The following DPP10 variants were observed in gnomAD, a reference collection of about 807,000 sequenced individuals.
DPP10 encodes inactive dipeptidyl peptidase 10.
DPP10 carries 33 observed loss-of-function variants against 120.9 expected under a neutral mutation model. That is an observed-to-expected ratio of 0.27 (90% confidence interval 0.21 to 0.37). DPP10 has a LOEUF of 0.37. Among genes scored for constraint, DPP10 ranks in the 10% least tolerant of loss-of-function variants. DPP10 has a pLI of 1.00. For synonymous variants in DPP10, 337 were observed against 326.1 expected (o/e 1.03, Z -0.36); for missense variants, 816 against 942.8 (o/e 0.87, Z 1.76).
chr2:115,586,444 A>G (rs2082295419), intron 5 of DPP10, among the ~76,000 whole-genome samples: 1 of 152,234 alleles, frequency 6.6e-6, no homozygotes, highest in Non-Finnish European at 1.5e-5. Context: ...TTGGCTACAT[A>G]CTTTGGAAAA....
rs71394163 is a variant in DPP10 at position 115,721,598 on chromosome 2, T to TAA, written c.577-6209_577-6208dup. ...TTCACACCTGTCAAGACAGCTATTA[T>TAA]AAAAAAAAAAGTGTTGGTAAAAATG... On this transcript the variant is annotated intron_variant, in intron 7 of 25. Transcript: ENST00000410059. Among the ~76,000 whole-genome samples the TAA allele has an allele frequency of 1.2e-4, 18 of 148,134 alleles. No homozygotes were observed. In the South Asian group the frequency reaches 3.0e-3, roughly 25 times the overall value.
chr2:114,905,632 C>A (rs1334136236), intron 1 of DPP10, among the ~76,000 whole-genome samples: 4 of 152,174 alleles, frequency 2.6e-5, no homozygotes, highest in Non-Finnish European at 5.9e-5. Context: ...CCTTCTCCCA[C>A]CCTGCACCCT....
At chr2:115,382,721 G>A (rs1315711849) in intron 3 of DPP10, among the ~76,000 whole-genome samples, 1 of 152,216 alleles carries the variant, frequency 6.6e-6, no homozygotes, top group Non-Finnish European at 1.5e-5. Context: ...TATAAAAAAA[G>A]AGCTGGAATA....
At chr2:115,021,225 A>G (rs186117816) in intron 1 of DPP10, among the ~76,000 whole-genome samples, 1 of 152,232 alleles carries the variant, frequency 6.6e-6, no homozygotes, top group East Asian at 1.9e-4. Flanking sequence ...TAAATGAAAC[A>G]AAATCTCGTT....
chr2:115,558,605 C>T (rs942865579), intron 5 of DPP10, among the ~76,000 whole-genome samples: 21 of 151,892 alleles, frequency 1.4e-4, no homozygotes, highest in African/African-American at 4.8e-4. Context: ...CCTTCCTAAG[C>T]GATGTAGAAC....
At chr2:115,694,843 T>G (rs2149512784) in intron 7 of DPP10, among the ~76,000 whole-genome samples, 1 of 152,360 alleles carries the variant, frequency 6.6e-6, no homozygotes, top group African/African-American at 2.4e-5. Context: ...GGCAGGCAGC[T>G]GTGCTTATGT....
At chr2:114,797,424 G>A (rs1448166803) in intron 1 of DPP10, among the ~76,000 whole-genome samples, 2 of 152,140 alleles carry the variant, frequency 1.3e-5, no homozygotes, top group Non-Finnish European at 2.9e-5. Context: ...CTGAACTACT[G>A]TAAGCCTCAA....
At chr2:115,759,042 CA>C (rs1679777601) in intron 11 of DPP10, among the ~76,000 whole-genome samples, 1 of 151,932 alleles carries the variant, frequency 6.6e-6, no homozygotes, top group South Asian at 2.1e-4. Context: ...AATTATGAAA[CA>C]ATAAATTGGA....
intron 1 of DPP10, among the ~76,000 whole-genome samples, chr2:115,126,989 T>TA (rs1461361539): frequency 6.6e-6 from 1 of 152,152 alleles, no homozygotes; most frequent in Non-Finnish European, 1.5e-5. Flanking sequence ...TTGTTTAGAA[T>TA]AAAAGATTCA....
intron 5 of DPP10, among the ~76,000 whole-genome samples, chr2:115,619,608 G>A (rs2149276424): frequency 6.6e-6 from 1 of 152,200 alleles, no homozygotes; most frequent in Admixed American, 6.5e-5. Flanking sequence ...TAACCCTCTG[G>A]AATTCTACAG....
rs905575534 is a variant in DPP10, at chr2:115,842,672, T to C, written c.*327T>C. ...CTGTAACTAGTTGCTCTCATTTTAA[T>C]TTCACTGGCCACCATCATCTTTGCA... is the stretch of plus-strand genomic sequence containing the variant. On this transcript the variant is annotated 3_prime_UTR_variant, in exon 26 of 26. Transcript: ENST00000410059. The C allele has an allele frequency of 4.7e-5, 9 of 193,196 alleles. No individual in the cohort carries two copies. The highest frequency in any genetic ancestry group is 8.6e-5 in the Non-Finnish European group (8 of 93,566). The allele number at this position is 193,196 out of a possible 1,614,324, so 12.0% of individuals were successfully genotyped here. A position where few individuals can be genotyped will look rare whatever the true frequency, so the allele number is the denominator to read the frequency against.
intron 21 of DPP10, among the ~76,000 whole-genome samples, chr2:115,820,555 G>T (rs1687709042): frequency 6.6e-6 from 1 of 151,926 alleles, no homozygotes; most frequent in African/African-American, 2.4e-5. Flanking sequence ...ATTGTACCCA[G>T]TGTGTAGTCT....
rs541353367 is a variant in DPP10, at chr2:115,241,631, G to A, written c.61-67608G>A. Among the ~76,000 whole-genome samples, 51 of 152,298 alleles carry A rather than the reference G, an allele frequency of 3.3e-4. 2 individuals carry two copies. The South Asian group carries it at 0.01, about 30-fold the overall frequency. ...TCTATAAACCATGGCATCATCATGA[G>A]AGAGACACACAGGCTTTCTTTCTGA... On this transcript the variant is annotated intron_variant, in intron 1 of 25. Transcript: ENST00000410059.
chr2:114,733,463 A>G (rs1677116257), intron 1 of DPP10, among the ~76,000 whole-genome samples: 2 of 152,222 alleles, frequency 1.3e-5, no homozygotes, highest in South Asian at 4.1e-4. Flanking sequence ...AAAGAAATCA[A>G]TGAAAAACAG....
intron 19 of DPP10, among the ~76,000 whole-genome samples, chr2:115,804,099 G>C (rs1020000098): frequency 1.3e-5 from 2 of 152,098 alleles, no homozygotes; most frequent in Non-Finnish European, 2.9e-5. Flanking sequence ...TTTTCACATA[G>C]TCCCATATTT....
chr2:114,848,227 A>T (rs1293602858), intron 1 of DPP10, among the ~76,000 whole-genome samples: 1 of 152,204 alleles, frequency 6.6e-6, no homozygotes, highest in Admixed American at 6.5e-5. Flanking sequence ...GCAATTTCTC[A>T]TGAGAAACTT....
intron 5 of DPP10, among the ~76,000 whole-genome samples, chr2:115,646,722 T>C (rs2087294843): frequency 6.6e-6 from 1 of 152,208 alleles, no homozygotes; most frequent in South Asian, 2.1e-4. Context: ...ACTGTTTTTA[T>C]ACAAATTCTA....
At chr2:114,780,643 A>C (rs1682240519) in intron 1 of DPP10, among the ~76,000 whole-genome samples, 1 of 152,052 alleles carries the variant, frequency 6.6e-6, no homozygotes, top group Non-Finnish European at 1.5e-5. Flanking sequence ...ATTCCTCAAA[A>C]ATGTTGTTTG....
At chr2:114,484,884 TCAG>T (rs1681366344) in intron 1 of DPP10, among the ~76,000 whole-genome samples, 1 of 152,058 alleles carries the variant, frequency 6.6e-6, no homozygotes, top group South Asian at 2.1e-4. Flanking sequence ...CTTCCATGCT[TCAG>T]CACAGAATGG....
Sources: gnomAD v4.1 joint callset for allele counts (sites outside exome capture counted in the v4.1 genomes callset) on GRCh38, gnomAD v4.1.1 for gene constraint, MANE v1.5 for transcripts, NCBI Gene and HGNC (gene_info 2026-07-23, HGNC 2026-07-21) for gene names.